Variants in PEX14 observed in about 807,000 individuals in gnomAD.
The protein encoded by PEX14 is peroxisomal biogenesis factor 14.
Under a neutral mutation model 49.5 loss-of-function variants are expected in PEX14, and 15 were observed. That is an observed-to-expected ratio of 0.30 (90% CI 0.20 to 0.47). PEX14 has a LOEUF of 0.47. PEX14 is among the 20% of genes least tolerant of loss of function. The pLI, the probability that PEX14 is intolerant of heterozygous loss-of-function variation, is 1.00. For missense variants in PEX14, 398 were observed against 494.8 expected, an observed-to-expected ratio of 0.80 and a Z score of 1.86; for synonymous variants, 210 against 212.7, an observed-to-expected ratio of 0.99 and a Z score of 0.11.
chr1:10,618,189 T>C (rs941523122), intron 4 of PEX14, 143 bp from the exon 5 acceptor site: 6 of 674,340 alleles, frequency 8.9e-6, no homozygotes, highest in South Asian at 1.6e-5. Context: ...GTGATGATCA[T>C]GTGCTGCCTT....
At chr1:10,541,236 T>C (rs143448244) in intron 3 of PEX14, among the ~76,000 whole-genome samples, 18 of 152,282 alleles carry the variant, frequency 1.2e-4, no homozygotes, top group African/African-American at 4.1e-4. Flanking sequence ...AACCCTGAAG[T>C]TCCCATGTTG....
chr1:10,537,509 A>AT (rs1376296692), intron 3 of PEX14, among the ~76,000 whole-genome samples: 2 of 152,172 alleles, frequency 1.3e-5, no homozygotes, highest in Non-Finnish European at 2.9e-5. Context: ...TCATCAAAGC[A>AT]TTGAAGCTGG....
intron 4 of PEX14, among the ~76,000 whole-genome samples, chr1:10,600,468 A>G (rs1259320089): frequency 6.8e-6 from 1 of 148,102 alleles, no homozygotes. Context: ...TGTAATCCCA[A>G]CACTTTGAGA....
chr1:10,478,845 G>C (rs145023046), intron 1 of PEX14, among the ~76,000 whole-genome samples: 2 of 151,334 alleles, frequency 1.3e-5, no homozygotes, highest in Non-Finnish European at 2.9e-5. Flanking sequence ...TCTCGGGTTC[G>C]AACCATTCTC....
chr1:10,591,268 T>TG (rs1164663838), intron 3 of PEX14, among the ~76,000 whole-genome samples: 10 of 152,178 alleles, frequency 6.6e-5, no homozygotes. Context: ...AAAGCCACCT[T>TG]GTACTTGGCT....
chr1:10,623,138 C>A lies in PEX14; in HGVS notation c.487+17C>A. ...CCCAGACAGGTAAAGATTAATGACT[C>A]CATCAAGTCACCCCTCACAGCCTTC... On this transcript the variant is annotated intron_variant, in intron 6 of 8. Coordinates refer to ENST00000356607, the MANE Select transcript of PEX14 (RefSeq NM_004565.3). This position sits in a 1 kb window ranked among gnomAD's most constrained non-coding sequence, Gnocchi z 4.4. 2 of 1,559,330 alleles carry A rather than the reference C, an allele frequency of 1.3e-6. No homozygotes were observed. The highest frequency in any genetic ancestry group is 1.1e-5 in the South Asian group (1 of 88,998).
rs35251972 is a variant in PEX14 at position 10,526,221 on chromosome 1, AT to A, written c.85-9974del. On this transcript the variant is annotated intron_variant, in intron 2 of 8. Transcript: ENST00000356607. ...AGGCGTGAGCCACTGCGCCCGGCTG[AT>A]TTTTTTTTTTTTTTTTTGAGACAGA... 7.0e-3 allele frequency among the ~76,000 whole-genome samples: 892 copies of A among 127,116 alleles called. 4 individuals carry two copies. Among genetic ancestry groups the A allele is most frequent in the African/African-American group, 0.02 (686 of 33,686 alleles). The allele number at this position is 127,116 out of a possible 152,430, so 83.4% of individuals were successfully genotyped here.
intron 2 of PEX14, among the ~76,000 whole-genome samples, chr1:10,535,093 T>C (rs539647069): frequency 2.1e-4 from 32 of 152,254 alleles, no homozygotes; most frequent in Non-Finnish European, 4.4e-4. Context: ...ATGAGTGAAC[T>C]CAGGGCCTGT....
chr1:10,627,446 G>A (rs1222417655), intron 8 of PEX14, 83 bp downstream of exon 8: 10 of 964,110 alleles, frequency 1.0e-5, no homozygotes, highest in Non-Finnish European at 1.3e-5. Flanking sequence ...GGGGCATGAC[G>A]CCCACCCCCA....
Position 10,494,790 on chromosome 1 carries a change from G to T in PEX14, c.37-484G>T, listed in dbSNP as rs985339842. Among the ~76,000 whole-genome samples, 12 of 152,240 alleles carry T rather than the reference G, an allele frequency of 7.9e-5. No homozygotes were observed. Among genetic ancestry groups the T allele is most frequent in the Non-Finnish European group, 1.5e-4 (10 of 68,046 alleles). Reference sequence around the variant, plus strand: ...GGCTTCTGGGCTCCAGAAACTAGATGCCCAGAGAAAATCCTGAGCGTGGGC... The same window carrying T: ...GGCTTCTGGGCTCCAGAAACTAGATTCCCAGAGAAAATCCTGAGCGTGGGC... On this transcript the variant is annotated intron_variant, in intron 1 of 8. Transcript: ENST00000356607. This position sits in a 1 kb window ranked among gnomAD's most constrained non-coding sequence, Gnocchi z 4.3.
chr1:10,609,691 C>A, intron 4 of PEX14, among the ~76,000 whole-genome samples: 1 of 152,108 alleles, frequency 6.6e-6, no homozygotes, highest in East Asian at 1.9e-4. Context: ...TCGAGACCAG[C>A]CTGGCCAACA....
intron 3 of PEX14, among the ~76,000 whole-genome samples, chr1:10,591,635 C>CTGTG (rs61635531): frequency 0.31 from 43,148 of 139,414 alleles, 6,607 homozygotes; most frequent in African/African-American, 0.36. Flanking sequence ...GGTATACACA[C>CTGTG]TGTGTGTGTG....
In PEX14 at chr1:10,621,016, G is replaced by A. The variant is rs183110326; in HGVS notation, c.385-2003G>A. Among the ~76,000 whole-genome samples, 68 of 152,320 alleles carry A rather than the reference G, an allele frequency of 4.5e-4. 1 individual carries two copies. In the East Asian group the frequency reaches 5.6e-3, roughly 13 times the overall value. ...GGAGGGCCTGTGGCCTGACGGGAGC[G>A]GGAGGGCAGCTCGGCAGCCCGCCTT... On this transcript the variant is annotated intron_variant, in intron 5 of 8. Transcript: ENST00000356607.
rs552794678 is a variant in PEX14, at chr1:10,481,088, CAG to C, written c.36+6090_36+6091del. ...AAAAAATCAGAATCTAGTGAAGAAA[CAG>C]AGATTGCATTGATTTGTCTCTTTAG... On this transcript the variant is annotated intron_variant, in intron 1 of 8. Coordinates refer to ENST00000356607, the MANE Select transcript of PEX14 (RefSeq NM_004565.3). Among the ~76,000 whole-genome samples the C allele has an allele frequency of 5.2e-4, 78 of 151,344 alleles. No homozygotes were observed. In the South Asian group the frequency reaches 6.5e-3, roughly 13 times the overall value.
At chr1:10,596,353 T>C (rs757525292) in intron 3 of PEX14, among the ~76,000 whole-genome samples, 5 of 152,252 alleles carry the variant, frequency 3.3e-5, no homozygotes, top group Admixed American at 1.3e-4. Flanking sequence ...CTCTCTAGTA[T>C]TGTTCAAAAA....
chr1:10,507,334 A>G (rs1044702306), intron 2 of PEX14, among the ~76,000 whole-genome samples: 4 of 152,254 alleles, frequency 2.6e-5, no homozygotes, highest in African/African-American at 9.6e-5. Context: ...CCGCTGCACA[A>G]ACGTATCTTC....
At chr1:10,607,546 T>C (rs1641161473) in intron 4 of PEX14, among the ~76,000 whole-genome samples, 2 of 152,220 alleles carry the variant, frequency 1.3e-5, no homozygotes, top group South Asian at 2.1e-4. Flanking sequence ...TCCCCAACAG[T>C]TGGTCTTCTC....
At chr1:10,530,254 A>C (rs1003937295) in intron 2 of PEX14, among the ~76,000 whole-genome samples, 1 of 152,222 alleles carries the variant, frequency 6.6e-6, no homozygotes, top group Non-Finnish European at 1.5e-5. Flanking sequence ...TTAAAAATTG[A>C]AAATAAAAGA....
intron 4 of PEX14, among the ~76,000 whole-genome samples, chr1:10,601,039 A>C (rs1472786579): frequency 6.6e-6 from 1 of 152,172 alleles, no homozygotes; most frequent in African/African-American, 2.4e-5. Flanking sequence ...AGGCGGGCGG[A>C]TCACTTGAGG....
Sources: gnomAD v4.1 joint callset for allele counts (sites outside exome capture counted in the v4.1 genomes callset) on GRCh38, gnomAD v4.1.1 for gene constraint, Gnocchi (gnomAD v3.1) non-coding constraint, MANE v1.5 for transcripts, NCBI Gene and HGNC (gene_info 2026-07-23, HGNC 2026-07-21) for gene names.